CACNA1D: variants seen among roughly 807,000 people sequenced by gnomAD.
The protein encoded by CACNA1D is voltage-dependent L-type calcium channel subunit alpha-1D.
In CACNA1D, 55 loss-of-function variants were observed where a neutral mutation model predicts 257.1. That is an observed-to-expected ratio of 0.21 (90% CI 0.17 to 0.27). The LOEUF is 0.27. Ranked by LOEUF, CACNA1D falls within the 10% of genes least tolerant of loss-of-function variation. The pLI is 1.00. For missense variants in CACNA1D, 1,876 were observed against 2,784.0 expected, an observed-to-expected ratio of 0.67 and a Z score of 7.34; for synonymous variants, 980 against 1,014.9, an observed-to-expected ratio of 0.97 and a Z score of 0.65.
chr3:53,497,049 A>G, intron 1 of CACNA1D, 103 bp from the exon 2 acceptor site: 1 of 867,172 alleles, frequency 1.2e-6, no homozygotes, highest in Non-Finnish European at 1.9e-6. Context: ...ATAGGAGTGA[A>G]TGATTCCCCT....
rs1479739082 is a variant in CACNA1D, at chr3:53,811,456, G to T, written c.*50G>T. 6.8e-7 allele frequency: 1 copy of T among 1,467,556 alleles called. No homozygotes were observed. The highest frequency in any genetic ancestry group is 2.4e-5 in the East Asian group (1 of 42,444). The allele number at this position is 1,467,556 out of a possible 1,614,324, so 90.9% of individuals were successfully genotyped here. On this transcript the variant is annotated 3_prime_UTR_variant, in exon 48 of 48. Transcript: ENST00000350061. This position sits in a 1 kb window ranked among gnomAD's most constrained non-coding sequence, Gnocchi z 4.2. ...CTGGCCTCAGGTGGGGCGCAGGAGAGCCAGGGGAAAAGTGCCTCATAGTTA... is the reference window on the plus strand; with the variant it reads ...CTGGCCTCAGGTGGGGCGCAGGAGATCCAGGGGAAAAGTGCCTCATAGTTA...
At chr3:53,772,134 G>A (rs1368364310) in intron 32 of CACNA1D, among the ~76,000 whole-genome samples, 7 of 152,238 alleles carry the variant, frequency 4.6e-5, no homozygotes, top group East Asian at 3.8e-4. Flanking sequence ...CGGGGGATCT[G>A]TCAGACACTC....
At chr3:53,788,528 T>G (rs2095468127) in intron 40 of CACNA1D, among the ~76,000 whole-genome samples, 1 of 152,212 alleles carries the variant, frequency 6.6e-6, no homozygotes, top group Non-Finnish European at 1.5e-5. Flanking sequence ...AGAGATATGT[T>G]TGCAGATTAG....
intron 44 of CACNA1D, among the ~76,000 whole-genome samples, chr3:53,804,065 TCTTG>T (rs1449990631): frequency 6.6e-6 from 1 of 152,152 alleles, no homozygotes; most frequent in Non-Finnish European, 1.5e-5. Context: ...GAGGGGTCCA[TCTTG>T]CTTCTGTCCT....
rs3774528 is a variant in CACNA1D, at chr3:53,671,685, T to C, written c.1117-1338T>C. On this transcript the variant is annotated intron_variant, in intron 7 of 47. Transcript: ENST00000350061. Reference sequence around the variant, plus strand: ...TTCATGTGGCCAAACAGGTGTTTCATAAGGGATTTAATGCCCTCTCCCTAG... The same window carrying C: ...TTCATGTGGCCAAACAGGTGTTTCACAAGGGATTTAATGCCCTCTCCCTAG... Among the ~76,000 whole-genome samples the C allele has an allele frequency of 1.6e-3, 247 of 152,352 alleles. 3 individuals carry two copies. The highest frequency in any genetic ancestry group is 4.0e-3 in the East Asian group (21 of 5,186).
Position 53,811,643 on chromosome 3 carries a change from C to T in CACNA1D, c.*237C>T. ...GGCCCCAGCTGCAGGAAACAGCAGG[C>T]CCCGCCCTCTCACAGAGGATGGGTG... On this transcript the variant is annotated 3_prime_UTR_variant, in exon 48 of 48. Coordinates refer to ENST00000350061, the MANE Select transcript of CACNA1D (RefSeq NM_001128840.3). This position sits in a 1 kb window ranked among gnomAD's most constrained non-coding sequence, Gnocchi z 4.2. The T allele has an allele frequency of 4.7e-6, 2 of 428,408 alleles. No individual in the cohort carries two copies. Among genetic ancestry groups the T allele is most frequent in the Non-Finnish European group, 8.3e-6 (2 of 240,966 alleles). The allele number at this position is 428,408 out of a possible 1,614,324, so 26.5% of individuals were successfully genotyped here. A position where few individuals can be genotyped will look rare whatever the true frequency, so the allele number is the denominator to read the frequency against.
At chr3:53,629,388 T>C (rs540180884) in intron 3 of CACNA1D, among the ~76,000 whole-genome samples, 172 of 152,380 alleles carry the variant, frequency 1.1e-3, no homozygotes, top group African/African-American at 3.8e-3. Flanking sequence ...TTTATGGGAT[T>C]GTATGCACTT....
Position 53,650,824 on chromosome 3 carries a change from T to C in CACNA1D, c.529T>C (p.Phe177Leu), listed in dbSNP as rs1385031534. 6.2e-7 allele frequency: 1 copy of C among 1,613,300 alleles called. No homozygotes were observed. The highest frequency in any genetic ancestry group is 1.3e-5 in the African/African-American group (1 of 74,930). ...CCTGATTATTTTTACAGTCGAGACA[T>C]TTTTGAAGATTATAGCGTATGGATT... ...AFLIIFTVET[F>L]LKIIAYGLLL... The change falls in exon 4 of 48, where the codon TTT becomes CTT. Residue 177 changes from phenylalanine (F) to leucine (L), a missense_variant. This residue lies in a region of CACNA1D where 188 missense variants were observed against 390.4 expected (regional missense o/e 0.48). Coordinates refer to ENST00000350061, the MANE Select transcript of CACNA1D (RefSeq NM_001128840.3).
At chr3:53,773,808 G>C (rs536765835) in intron 33 of CACNA1D, 2 of 152,016 alleles carry the variant, frequency 1.3e-5, no homozygotes, top group Non-Finnish European at 2.9e-5. Context: ...TGCCCTGGAA[G>C]GTCTTTTATC....
intron 14 of CACNA1D, 61 bp downstream of exon 14, chr3:53,724,060 C>A: frequency 7.7e-7 from 1 of 1,296,004 alleles, no homozygotes; most frequent in Non-Finnish European, 1.1e-6. Context: ...ACTCCTCTGC[C>A]TTCTTGTCTG....
rs75006743 is a variant in CACNA1D, at chr3:53,788,045, G to T, written c.4923+1093G>T. Among the ~76,000 whole-genome samples the T allele has an allele frequency of 2.1e-3, 326 of 152,344 alleles. 7 individuals carry two copies. The East Asian group carries it at 0.048, about 23-fold the overall frequency. On this transcript the variant is annotated intron_variant, in intron 40 of 47. Transcript: ENST00000350061. ...TATCCAGGGAAAAATGCGCAGCGTT[G>T]TGTGTTCAAAGTGATGGTAACAGCC...
At chr3:53,569,263 C>G (rs2092902151) in intron 3 of CACNA1D, among the ~76,000 whole-genome samples, 1 of 152,232 alleles carries the variant, frequency 6.6e-6, no homozygotes, top group African/African-American at 2.4e-5. Flanking sequence ...GTTGAGGCCT[C>G]CCTTCCACAC....
intron 3 of CACNA1D, among the ~76,000 whole-genome samples, chr3:53,572,751 A>G (rs1019903525): frequency 1.3e-5 from 2 of 151,714 alleles, no homozygotes; most frequent in Non-Finnish European, 2.9e-5. Flanking sequence ...CTCTGCTACC[A>G]CCTCCCTGAT....
intron 7 of CACNA1D, among the ~76,000 whole-genome samples, chr3:53,668,546 C>G (rs908834782): frequency 6.6e-6 from 1 of 152,170 alleles, no homozygotes; most frequent in Non-Finnish European, 1.5e-5. Context: ...TAAACTTTAT[C>G]CCAGTCTGTA....
intron 14 of CACNA1D, among the ~76,000 whole-genome samples, chr3:53,725,632 T>C (rs1284634612): frequency 1.3e-5 from 2 of 152,196 alleles, no homozygotes; most frequent in Non-Finnish European, 2.9e-5. Context: ...GCCCATCAGT[T>C]AGGTGAAAAT....
intron 10 of CACNA1D, chr3:53,718,835 T>G (rs1576451723): frequency 8.8e-7 from 1 of 1,135,614 alleles, no homozygotes. Flanking sequence ...ATGTGCTACG[T>G]ATTTAAGTTT....
At chr3:53,572,289 A>T (rs2107693764) in intron 3 of CACNA1D, among the ~76,000 whole-genome samples, 1 of 152,234 alleles carries the variant, frequency 6.6e-6, no homozygotes, top group Admixed American at 6.5e-5. Context: ...TGAGCCTGAG[A>T]ATGTCTTGGA....
At chr3:53,555,454 GTGTGTGTT>G (rs1340759129) in intron 3 of CACNA1D, among the ~76,000 whole-genome samples, 6 of 106,612 alleles carry the variant, frequency 5.6e-5, no homozygotes, top group African/African-American at 2.6e-4. Flanking sequence ...GTGTGTGTGT[GTGTGTGTT>G]TTTTTTTTTT....
Position 53,672,366 on chromosome 3 carries a change from T to C in CACNA1D, c.1117-657T>C, listed in dbSNP as rs185213055. Among the ~76,000 whole-genome samples the C allele has an allele frequency of 2.6e-5, 4 of 152,348 alleles. No individual in the cohort carries two copies. In the East Asian group the frequency reaches 7.7e-4, roughly 29 times the overall value. On this transcript the variant is annotated intron_variant, in intron 7 of 47. Coordinates refer to ENST00000350061, the MANE Select transcript of CACNA1D (RefSeq NM_001128840.3). ...TCAGCTAGTTGACCTTGAAAAAATTTCTTTTTCACATTCATTTTGCTGCAT... is the reference window on the plus strand; with the variant it reads ...TCAGCTAGTTGACCTTGAAAAAATTCCTTTTTCACATTCATTTTGCTGCAT...
Sources: allele counts gnomAD v4.1 joint callset (sites outside exome capture counted in the v4.1 genomes callset), GRCh38; gene constraint gnomAD v4.1.1; regional missense constraint gnomAD v4.1.1; non-coding constraint Gnocchi (gnomAD v3.1); transcripts MANE v1.5; gene names NCBI Gene and HGNC (gene_info 2026-07-23, HGNC 2026-07-21).